Variants in CARD10 observed in about 807,000 individuals in gnomAD.
The protein encoded by CARD10 is caspase recruitment domain family member 10, also known as caspase recruitment domain-containing protein 10.
A neutral mutation model predicts 114.6 loss-of-function variants in CARD10; 49 were observed. The observed-to-expected ratio is 0.43, with a 90% confidence interval of 0.34 to 0.54. CARD10 has a LOEUF of 0.54. Ranked by LOEUF, CARD10 falls within the 20% of genes least tolerant of loss-of-function variation. The pLI, the probability that CARD10 is intolerant of heterozygous loss-of-function variation, is 0.03. For missense variants in CARD10, 1,206 were observed against 1,397.2 expected (o/e 0.86, Z 2.18); for synonymous variants, 602 against 593.2 (o/e 1.01, Z -0.21).
intron 11 of CARD10, among the ~76,000 whole-genome samples, chr22:37,500,505 T>G: frequency 6.8e-6 from 1 of 147,858 alleles, no homozygotes; most frequent in Non-Finnish European, 1.5e-5. Flanking sequence ...CTATCCACCA[T>G]CCCCTCCCGG....
At chr22:37,498,244 G>A (rs968392213) in intron 11 of CARD10, among the ~76,000 whole-genome samples, 1 of 152,180 alleles carries the variant, frequency 6.6e-6, no homozygotes, top group African/African-American at 2.4e-5. Context: ...CCACCCTTTG[G>A]AGGGCGTGGA....
chr22:37,513,000 C>A (rs1043558138), intron 3 of CARD10, among the ~76,000 whole-genome samples: 6 of 152,228 alleles, frequency 3.9e-5, no homozygotes, highest in African/African-American at 1.4e-4. Flanking sequence ...CGATCAGGTG[C>A]TCTGTTCAGA....
At chr22:37,518,137 G>A (rs750863376) in intron 1 of CARD10, 29 bp from the exon 2 acceptor site, 14 of 1,602,372 alleles carry the variant, frequency 8.7e-6, no homozygotes, top group Non-Finnish European at 1.2e-5. Flanking sequence ...ATGTACCCAG[G>A]GTCTAGGGGA....
At chr22:37,500,924 G>A (rs1030875759) in intron 11 of CARD10, among the ~76,000 whole-genome samples, 2 of 152,114 alleles carry the variant, frequency 1.3e-5, no homozygotes, top group Non-Finnish European at 2.9e-5. Context: ...CTAAGGGACA[G>A]GCACTATGTG....
intron 3 of CARD10, chr22:37,511,931 C>T (rs1427746599): frequency 6.6e-6 from 1 of 152,252 alleles, no homozygotes; most frequent in African/African-American, 2.4e-5. Context: ...CTCCTCTGGG[C>T]CTCAGTTTCC....
intron 5 of CARD10, among the ~76,000 whole-genome samples, 200 bp downstream of exon 5, chr22:37,508,327 C>T (rs1223261377): frequency 6.6e-6 from 1 of 151,840 alleles, no homozygotes; most frequent in Non-Finnish European, 1.5e-5. Context: ...TGGAGTTCCC[C>T]CTCAAGGAAA....
intron 11 of CARD10, among the ~76,000 whole-genome samples, chr22:37,500,797 C>T: frequency 6.6e-6 from 1 of 152,148 alleles, no homozygotes; most frequent in Non-Finnish European, 1.5e-5. Flanking sequence ...TGCAGAGCTG[C>T]TCTGAGGATT....
At position 37,501,084 on chromosome 22, in the gene CARD10, A is replaced by G. The variant is rs931796219; in HGVS notation, c.1787+1518T>C. On this transcript the variant is annotated intron_variant, in intron 11 of 19. Coordinates refer to ENST00000251973, the MANE Select transcript of CARD10 (RefSeq NM_014550.4). This position sits in a 1 kb window ranked among gnomAD's most constrained non-coding sequence, Gnocchi z 5.4. Reference sequence around the variant, plus strand: ...GACACACAAGTTGCCCCGACCTGGGACCTGTCCGGGCCCTCATCTCCCTCT... The same window carrying G: ...GACACACAAGTTGCCCCGACCTGGGGCCTGTCCGGGCCCTCATCTCCCTCT... Among the ~76,000 whole-genome samples the G allele has an allele frequency of 2.0e-5, 3 of 151,754 alleles. No homozygotes were observed. The highest frequency in any genetic ancestry group is 4.4e-5 in the Non-Finnish European group (3 of 67,914).
rs1267645541 is a variant in CARD10 at position 37,506,316 on chromosome 22, C to A, written c.1259G>T (p.Arg420Leu). The A allele has an allele frequency of 2.5e-6, 4 of 1,609,918 alleles. No individual in the cohort carries two copies. In the Admixed American group the frequency reaches 6.7e-5, roughly 27 times the overall value. Residue 420 changes from arginine (R) to leucine (L), a missense_variant, in exon 7 of 20, where the codon CGC becomes CTC. Arg to Leu is a moderately radical substitution (Grantham distance 102). Transcript: ENST00000251973. ...SQSLIEKDQY[R>L]KQVRGLEAER... is the part of the protein sequence containing the mutation. The stretch of plus-strand genomic sequence containing the variant: ...CGCCTCCAGGCCCCGCACCTGCTTG[C>A]GGTACTGGTCCTTCTCGATGAGGCT...
rs1406250130 is a variant in CARD10 at position 37,491,109 on chromosome 22, C to T, written c.*50G>A. On this transcript the variant is annotated 3_prime_UTR_variant, in exon 20 of 20. Transcript: ENST00000251973. ...TGGGAGGGCCCAGCTTCACCATAGA[C>T]ACCAGGGTCCACGCTGGCTTGGGGA... 1 of 1,425,274 alleles carries T rather than the reference C, an allele frequency of 7.0e-7. No homozygotes were observed. The highest frequency in any genetic ancestry group is 9.6e-7 in the Non-Finnish European group (1 of 1,040,264). The allele number at this position is 1,425,274 out of a possible 1,614,324, so 88.3% of individuals were successfully genotyped here. A position where few individuals can be genotyped will look rare whatever the true frequency, so the allele number is the denominator to read the frequency against.
At chr22:37,497,897 G>A (rs1379512903) in intron 11 of CARD10, among the ~76,000 whole-genome samples, 1 of 152,022 alleles carries the variant, frequency 6.6e-6, no homozygotes, top group Non-Finnish European at 1.5e-5. Flanking sequence ...GTCTGAGGAG[G>A]GAGGTCACCA....
intron 8 of CARD10, 98 bp from the exon 9 acceptor site, chr22:37,504,399 G>T: frequency 9.1e-7 from 1 of 1,099,296 alleles, no homozygotes; most frequent in Non-Finnish European, 1.3e-6. Flanking sequence ...ATGAGAAGTA[G>T]GGCCCAGAGC....
intron 7 of CARD10, among the ~76,000 whole-genome samples, 170 bp from the exon 8 acceptor site, chr22:37,504,939 T>C (rs1486036499): frequency 2.0e-5 from 3 of 152,038 alleles, no homozygotes; most frequent in Non-Finnish European, 4.4e-5. Flanking sequence ...GTGAACAAAA[T>C]AGCCCCAAGC....
rs1028513307 is a variant in CARD10, at chr22:37,505,074, C to T, written c.1384-305G>A. On this transcript the variant is annotated intron_variant, in intron 7 of 19. Coordinates refer to ENST00000251973, the MANE Select transcript of CARD10 (RefSeq NM_014550.4). ...AACTGAGAACTCAAGGGTATAGAGG[C>T]GCTAAGTAGGTCAAGCTGGGATGGT... Among the ~76,000 whole-genome samples the T allele has an allele frequency of 4.6e-5, 7 of 152,262 alleles. No homozygotes were observed. In the East Asian group the frequency reaches 5.8e-4, roughly 13 times the overall value.
chr22:37,509,324 C>T (rs1166598631), intron 4 of CARD10, among the ~76,000 whole-genome samples: 1 of 152,184 alleles, frequency 6.6e-6, no homozygotes, highest in Non-Finnish European at 1.5e-5. Context: ...GGGCCCTTTC[C>T]CCAGAAAAAT....
rs761829883 is a variant in CARD10 at position 37,510,310 on chromosome 22, CCTT to C, written c.808_810del (p.Lys270del). 4.4e-6 allele frequency: 7 copies of C among 1,600,396 alleles called. No individual in the cohort carries two copies. In the South Asian group the frequency reaches 6.7e-5, roughly 15 times the overall value. Reference sequence around the variant, plus strand: ...AGGTCCACATTGTCTGGCTCCTTCTCCTTCTCCTTCTCCTTCTCCTTCTCCTCT... The same window carrying C: ...AGGTCCACATTGTCTGGCTCCTTCTCCTCCTTCTCCTTCTCCTTCTCCTCT... On this transcript the variant is annotated inframe_deletion, in exon 4 of 20. Coordinates refer to ENST00000251973, the MANE Select transcript of CARD10 (RefSeq NM_014550.4).
chr22:37,508,079 C>T (rs1923476516), intron 5 of CARD10, 125 bp from the exon 6 acceptor site: 4 of 1,175,556 alleles, frequency 3.4e-6, no homozygotes, highest in Admixed American at 2.0e-5. Context: ...AACAAGTCCC[C>T]TCCTGCCCAG....
rs1569162893 is a variant in CARD10, at chr22:37,496,573, C to G, written c.1948-13G>C. ...CTTCCACCCTTTGCTGGGAGAAAAC[C>G]CAGGCAGGGAGGGAAAGAAGTGAGC... On this transcript the variant is annotated splice_polypyrimidine_tract_variant and intron_variant, in intron 12 of 19. Transcript: ENST00000251973. This position sits in a 1 kb window ranked among gnomAD's most constrained non-coding sequence, Gnocchi z 4.1. 1.1e-5 allele frequency: 18 copies of G among 1,597,754 alleles called. No individual in the cohort carries two copies. Among genetic ancestry groups the G allele is most frequent in the Non-Finnish European group, 1.5e-5 (18 of 1,166,926 alleles).
At chr22:37,518,134 C>T in intron 1 of CARD10, 26 bp from the exon 2 acceptor site, 1 of 1,607,840 alleles carries the variant, frequency 6.2e-7, no homozygotes. Flanking sequence ...GGGATGTACC[C>T]AGGGTCTAGG....
Sources: gnomAD v4.1 joint callset for allele counts (sites outside exome capture counted in the v4.1 genomes callset) on GRCh38, gnomAD v4.1.1 for gene constraint, Gnocchi (gnomAD v3.1) non-coding constraint, MANE v1.5 for transcripts, NCBI Gene and HGNC (gene_info 2026-07-23, HGNC 2026-07-21) for gene names.